COL28A1: variants seen among roughly 807,000 people sequenced by gnomAD.
COL28A1 encodes the protein collagen alpha-1(XXVIII) chain.
Under a neutral mutation model 150.2 loss-of-function variants are expected in COL28A1, and 161 were observed. The ratio of observed to expected loss-of-function variants is 1.07; its 90% confidence interval spans 0.94 to 1.22. COL28A1 has a LOEUF of 1.22. Among genes scored for constraint, COL28A1 ranks in the 50% most tolerant of loss-of-function variants. The probability of loss-of-function intolerance (pLI) is 0.00; values close to 1 mark genes in which losing one functional copy is unlikely to be tolerated. For missense variants in COL28A1, 1,617 were observed against 1,388.3 expected, an observed-to-expected ratio of 1.16 and a Z score of -2.62; for synonymous variants, 552 against 469.7, an observed-to-expected ratio of 1.18 and a Z score of -2.26.
At chr7:7,471,549 G>A (rs182278659) in intron 15 of COL28A1, among the ~76,000 whole-genome samples, 2 of 152,304 alleles carry the variant, frequency 1.3e-5, no homozygotes, top group East Asian at 3.9e-4. Context: ...TAACAGGGAT[G>A]CAGGGATGGG....
Position 7,452,383 on chromosome 7 carries a change from T to G in COL28A1, c.1445A>C (p.Glu482Ala). 1 of 1,598,114 alleles carries G rather than the reference T, an allele frequency of 6.3e-7. No homozygotes were observed. Among genetic ancestry groups the G allele is most frequent in the African/African-American group, 1.4e-5 (1 of 73,850 alleles). The change falls in exon 18 of 35, where the codon GAA becomes GCA. Residue 482 changes from glutamate to alanine, a missense_variant. Glu to Ala is a moderately radical substitution (Grantham distance 107, BLOSUM62 -1). Transcript: ENST00000399429. ...AGQGLPGSKGEVGQMGPTGPR... is the reference protein window; with the variant it reads ...AGQGLPGSKGAVGQMGPTGPR... Reference sequence around the variant, plus strand: ...GCCTGTAGGTCCCATTTGGCCTACTTCTCCCTAGTAAGAAAAGAGTTTAAT... The same window carrying G: ...GCCTGTAGGTCCCATTTGGCCTACTGCTCCCTAGTAAGAAAAGAGTTTAAT...
Position 7,403,076 on chromosome 7 carries a change from AG to A in COL28A1, c.2136+14782del, listed in dbSNP as rs1012201920. 8.5e-5 allele frequency among the ~76,000 whole-genome samples: 13 copies of A among 152,300 alleles called. No homozygotes were observed. In the South Asian group the frequency reaches 2.7e-3, roughly 32 times the overall value. ...AGAAGTGCTATGATGTGGACTAGTC[AG>A]TGTACCATGGGAGCACAGGCTTCAA... On this transcript the variant is annotated intron_variant, in intron 27 of 34. Coordinates refer to ENST00000399429, the MANE Select transcript of COL28A1 (RefSeq NM_001037763.3).
At chr7:7,505,235 G>C (rs1370534490) in intron 11 of COL28A1, among the ~76,000 whole-genome samples, 1 of 152,050 alleles carries the variant, frequency 6.6e-6, no homozygotes, top group Non-Finnish European at 1.5e-5. Context: ...TAAAAAGCTG[G>C]CTTTCTTTAG....
chr7:7,510,525 T>C lies in COL28A1; in HGVS notation c.927+566A>G, dbSNP rs757824966. The stretch of plus-strand genomic sequence containing the variant: ...GTCTCAAACTCCTGACCTCAGGTGA[T>C]CCACCCACCTTGGCCTCCCAAAGTG... On this transcript the variant is annotated intron_variant, in intron 9 of 34. Transcript: ENST00000399429. 2.0e-5 allele frequency among the ~76,000 whole-genome samples: 3 copies of C among 152,368 alleles called. No homozygotes were observed. The East Asian group carries it at 5.8e-4, about 29-fold the overall frequency.
chr7:7,400,961 C>A (rs545656194), intron 27 of COL28A1, among the ~76,000 whole-genome samples: 2 of 126,168 alleles, frequency 1.6e-5, no homozygotes, highest in Non-Finnish European at 3.4e-5. Context: ...TCCCATAGGA[C>A]GTGTGGGTAT....
chr7:7,490,705 A>C, intron 11 of COL28A1, 59 bp from the exon 12 acceptor site: 1 of 800,130 alleles, frequency 1.2e-6, no homozygotes, highest in Non-Finnish European at 2.2e-6. Context: ...GTATTGACTA[A>C]GCAGCTTTTA....
chr7:7,498,968 G>A (rs1780369017), intron 11 of COL28A1, among the ~76,000 whole-genome samples: 1 of 152,114 alleles, frequency 6.6e-6, no homozygotes, highest in Admixed American at 6.6e-5. Flanking sequence ...ACATGCATCA[G>A]CTATTTGGGA....
At chr7:7,384,838 C>CA (rs145418752) in intron 27 of COL28A1, among the ~76,000 whole-genome samples, 4,496 of 151,636 alleles carry the variant, frequency 0.03, 105 homozygotes, top group Non-Finnish European at 0.047. Flanking sequence ...AAAATTCAAT[C>CA]AAAAAAAAGG....
the COL28A1 span, among the ~76,000 whole-genome samples, chr7:7,341,592 C>T: frequency 2.0e-5 from 3 of 151,928 alleles, no homozygotes; most frequent in Admixed American, 6.6e-5. Flanking sequence ...TAATTTTCAG[C>T]CTTTTTTGCT....
intron 33 of COL28A1, among the ~76,000 whole-genome samples, chr7:7,369,461 A>C (rs1051532425): frequency 2.4e-4 from 37 of 152,220 alleles, no homozygotes; most frequent in African/African-American, 7.0e-4. Flanking sequence ...GAAAATCCAA[A>C]ACTATTCAGT....
At chr7:7,374,038 A>AAAAAAAAAAAAAAAAATATATATAT in intron 31 of COL28A1, among the ~76,000 whole-genome samples, 1 of 113,656 alleles carries the variant, frequency 8.8e-6, no homozygotes, top group African/African-American at 3.8e-5. Flanking sequence ...AAAAAAAAAA[A>AAAAAAAAAAAAAAAAATATATATAT]ATATATATAT....
intron 20 of COL28A1, among the ~76,000 whole-genome samples, chr7:7,441,291 G>C (rs557876009): frequency 6.6e-6 from 1 of 151,792 alleles, no homozygotes; most frequent in Admixed American, 6.6e-5. Context: ...GCCCTATTTC[G>C]TCCTCACTGG....
chr7:7,408,427 T>C (rs1322759248), intron 27 of COL28A1, among the ~76,000 whole-genome samples: 2 of 152,138 alleles, frequency 1.3e-5, no homozygotes, highest in African/African-American at 4.8e-5. Context: ...AAGGTGCTGA[T>C]GATAAAAAAC....
Position 7,452,344 on chromosome 7 carries a change from A to C in COL28A1, c.1484T>G (p.Val495Gly). ...CTTTGGACCTTGTACTCCAATTCCC[A>C]CTGGTCCTCGAGGGCCTGTAGGTCC... The part of the protein sequence containing the change: ...QMGPTGPRGP[V>G]GIGVQGPKGE... The change falls in exon 18 of 35, where the codon GTG becomes GGG. Residue 495 changes from valine (V) to glycine (G), a missense_variant. Physicochemically the swap from Val to Gly is moderately radical, Grantham distance 109. Coordinates refer to ENST00000399429, the MANE Select transcript of COL28A1 (RefSeq NM_001037763.3). 1 of 1,606,410 alleles carries C rather than the reference A, an allele frequency of 6.2e-7. No individual in the cohort carries two copies. Among genetic ancestry groups the C allele is most frequent in the South Asian group, 1.1e-5 (1 of 89,268 alleles).
chr7:7,352,072 C>T (rs1780242008), downstream of COL28A1, among the ~76,000 whole-genome samples: 1 of 152,204 alleles, frequency 6.6e-6, no homozygotes, highest in Admixed American at 6.5e-5. Flanking sequence ...ACAACCCTCA[C>T]TCATTGATAT....
chr7:7,450,259 A>G (rs1786587814), intron 18 of COL28A1, among the ~76,000 whole-genome samples: 1 of 152,162 alleles, frequency 6.6e-6, no homozygotes. Flanking sequence ...CATACACAAA[A>G]ATAAATTCCA....
At chr7:7,404,049 C>T (rs779050210) in intron 27 of COL28A1, among the ~76,000 whole-genome samples, 75 of 152,224 alleles carry the variant, frequency 4.9e-4, no homozygotes, top group Admixed American at 1.0e-3. Context: ...CCAAGAGTCA[C>T]AGTCATTTTT....
At chr7:7,345,380 A>T in the COL28A1 span, among the ~76,000 whole-genome samples, 31 of 152,070 alleles carry the variant, frequency 2.0e-4, no homozygotes, top group African/African-American at 7.2e-4. Flanking sequence ...TCAAATTATA[A>T]AATCCAAGAT....
chr7:7,358,737 T>C lies in COL28A1; in HGVS notation c.3274A>G (p.Lys1092Glu), dbSNP rs1250858205. ...GEYVVRWYYD[K>E]QVNSCARFWF... The stretch of plus-strand genomic sequence containing the variant: ...AATCGGGCACAAGAGTTGACCTGTT[T>C]GTCATAATACCATCGAACCACATAT... Residue 1092 changes from lysine (K) to glutamate (E), a missense_variant, in exon 35 of 35, where the codon AAA (lysine) becomes GAA (glutamate). Coordinates refer to ENST00000399429, the MANE Select transcript of COL28A1 (RefSeq NM_001037763.3). 6.2e-7 allele frequency: 1 copy of C among 1,614,076 alleles called. No homozygotes were observed. Among genetic ancestry groups the C allele is most frequent in the Admixed American group, 1.7e-5 (1 of 60,012 alleles).
Sources: gnomAD v4.1 joint callset for allele counts (sites outside exome capture counted in the v4.1 genomes callset) on GRCh38, gnomAD v4.1.1 for gene constraint, MANE v1.5 for transcripts, NCBI Gene and HGNC (gene_info 2026-07-23, HGNC 2026-07-21) for gene names.